RGS7: variants seen among roughly 807,000 people sequenced by gnomAD.
The protein encoded by RGS7 is regulator of G protein signaling 7.
RGS7 carries 27 observed loss-of-function variants against 81.1 expected under a neutral mutation model. That is an observed-to-expected ratio of 0.33 (90% CI 0.25 to 0.46). RGS7 has a LOEUF of 0.46. Among genes scored for constraint, RGS7 ranks in the 20% least tolerant of loss-of-function variants. The probability of loss-of-function intolerance (pLI) is 1.00; values close to 1 mark genes in which losing one functional copy is unlikely to be tolerated. For missense variants in RGS7, 396 were observed against 607.4 expected, an observed-to-expected ratio of 0.65 and a Z score of 3.66; for synonymous variants, 208 against 207.7, an observed-to-expected ratio of 1.00 and a Z score of -0.01.
intron 2 of RGS7, among the ~76,000 whole-genome samples, chr1:241,226,968 C>T (rs777188811): frequency 2.2e-4 from 33 of 152,030 alleles, no homozygotes; most frequent in Non-Finnish European, 4.3e-4. Flanking sequence ...GTTACTTATT[C>T]GGACCTTAAA....
chr1:241,054,971 A>G (rs1402475204), intron 3 of RGS7, among the ~76,000 whole-genome samples: 1 of 152,224 alleles, frequency 6.6e-6, no homozygotes, highest in Non-Finnish European at 1.5e-5. Flanking sequence ...GAAAGACCCC[A>G]GTCTAGTAAA....
intron 2 of RGS7, among the ~76,000 whole-genome samples, chr1:241,196,041 A>G (rs1028896547): frequency 1.3e-5 from 2 of 152,176 alleles, no homozygotes; most frequent in African/African-American, 4.8e-5. Flanking sequence ...AGCTAGATGC[A>G]TCATAGTTAA....
chr1:241,186,775 C>A (rs1184842065), intron 2 of RGS7, among the ~76,000 whole-genome samples: 2 of 152,134 alleles, frequency 1.3e-5, no homozygotes, highest in East Asian at 1.9e-4. Context: ...GATCCACCTA[C>A]CTCGGCCTCC....
chr1:241,259,045 T>C (rs897693578), intron 2 of RGS7, among the ~76,000 whole-genome samples: 1 of 152,126 alleles, frequency 6.6e-6, no homozygotes, highest in Non-Finnish European at 1.5e-5. Flanking sequence ...TGCCCCTCCC[T>C]TTCCCACAAT....
chr1:240,907,643 C>T (rs1671038653), intron 6 of RGS7, among the ~76,000 whole-genome samples: 1 of 152,130 alleles, frequency 6.6e-6, no homozygotes, highest in South Asian at 2.1e-4. Flanking sequence ...AGAATGTTTA[C>T]CACCTAGGGT....
At chr1:240,793,605 A>AT (rs869198789) in intron 18 of RGS7, among the ~76,000 whole-genome samples, 19 of 32,892 alleles carry the variant, frequency 5.8e-4, no homozygotes, top group Admixed American at 2.3e-3. Context: ...ATATATATAT[A>AT]TATATATTTT....
At chr1:241,277,568 G>A (rs1046537503) in intron 2 of RGS7, among the ~76,000 whole-genome samples, 11 of 150,222 alleles carry the variant, frequency 7.3e-5, no homozygotes, top group Non-Finnish European at 7.4e-5. Flanking sequence ...GCAGTCAGCC[G>A]AGATCACGCC....
At chr1:240,982,983 G>T (rs1685142946) in intron 4 of RGS7, 96 bp downstream of exon 4, 5 of 699,098 alleles carry the variant, frequency 7.2e-6, no homozygotes, top group South Asian at 3.3e-5. Flanking sequence ...TTTTCAGGAG[G>T]TTTGCTTGCG....
chr1:241,080,042 T>C (rs1430633916), intron 3 of RGS7, among the ~76,000 whole-genome samples: 1 of 152,156 alleles, frequency 6.6e-6, no homozygotes, highest in African/African-American at 2.4e-5. Flanking sequence ...TTTGCAATAT[T>C]GCCTCTGACT....
At chr1:241,278,735 C>T (rs1333629618) in intron 2 of RGS7, among the ~76,000 whole-genome samples, 1 of 152,196 alleles carries the variant, frequency 6.6e-6, no homozygotes, top group East Asian at 1.9e-4. Flanking sequence ...TGAAGATCTA[C>T]GTTCTGTTGG....
intron 3 of RGS7, among the ~76,000 whole-genome samples, chr1:241,088,340 C>CA (rs2063603966): frequency 6.6e-6 from 1 of 151,728 alleles, no homozygotes; most frequent in African/African-American, 2.4e-5. Context: ...AACACGCCAC[C>CA]AAAAAACATA....
intron 2 of RGS7, among the ~76,000 whole-genome samples, chr1:241,177,794 G>A (rs926442103): frequency 3.3e-5 from 5 of 152,166 alleles, no homozygotes; most frequent in Non-Finnish European, 7.4e-5. Flanking sequence ...GAAAGAGAGA[G>A]TGATTAAAGA....
At chr1:241,005,636 G>A (rs953342964) in intron 3 of RGS7, among the ~76,000 whole-genome samples, 7 of 152,174 alleles carry the variant, frequency 4.6e-5, no homozygotes, top group Admixed American at 2.6e-4. Flanking sequence ...CCAGGTTCAA[G>A]CAATTCTCCT....
intron 2 of RGS7, among the ~76,000 whole-genome samples, chr1:241,122,797 A>T (rs1326528137): frequency 6.6e-6 from 1 of 152,182 alleles, no homozygotes; most frequent in Non-Finnish European, 1.5e-5. Flanking sequence ...CCTATTTTAT[A>T]ATAAAGTGTT....
In RGS7 at chr1:240,775,805, T is replaced by C; in HGVS notation, c.*415A>G. On this transcript the variant is annotated 3_prime_UTR_variant, in exon 19 of 19. Coordinates refer to ENST00000440928, the MANE Select transcript of RGS7 (RefSeq NM_001364886.1). ...TGATATATACTTTTTTCTTTTACAG[T>C]TCTTCCAGTTTTTGACTGACTGAAT... 3.9e-6 allele frequency: 1 copy of C among 258,606 alleles called. No individual in the cohort carries two copies. Among genetic ancestry groups the C allele is most frequent in the South Asian group, 5.4e-5 (1 of 18,368 alleles). The allele number at this position is 258,606 out of a possible 1,614,324, so 16.0% of individuals were successfully genotyped here.
Position 240,842,832 on chromosome 1 carries a change from C to CT in RGS7, c.610-15661dup, listed in dbSNP as rs201749651. ...TTCTTAATGGCAGTTTTCTTTTTTTCTTTTTTCTTTTTCTCATAAGGGGTA... is the reference window on the plus strand; with the variant it reads ...TTCTTAATGGCAGTTTTCTTTTTTTCTTTTTTTCTTTTTCTCATAAGGGGTA... On this transcript the variant is annotated intron_variant, in intron 9 of 18. Transcript: ENST00000440928. Among the ~76,000 whole-genome samples the CT allele has an allele frequency of 6.8e-3, 964 of 142,642 alleles. 7 individuals are homozygous for CT. Among genetic ancestry groups the CT allele is most frequent in the African/African-American group, 0.023 (876 of 38,678 alleles). 93.6% of individuals were successfully genotyped at this position (142,642 alleles called of 152,430 possible). A position where few individuals can be genotyped will look rare whatever the true frequency, so the allele number is the denominator to read the frequency against.
chr1:241,243,532 A>G (rs1388012177), intron 2 of RGS7, among the ~76,000 whole-genome samples: 1 of 152,194 alleles, frequency 6.6e-6, no homozygotes, highest in Non-Finnish European at 1.5e-5. Flanking sequence ...CCAACAAGAC[A>G]AAAATTAATG....
chr1:240,977,181 A>G (rs1684252815), intron 4 of RGS7, among the ~76,000 whole-genome samples: 1 of 151,562 alleles, frequency 6.6e-6, no homozygotes, highest in Non-Finnish European at 1.5e-5. Context: ...GATGAGTACT[A>G]AATTTCAACA....
chr1:241,255,366 T>G (rs191427688), intron 2 of RGS7, among the ~76,000 whole-genome samples: 21 of 152,360 alleles, frequency 1.4e-4, no homozygotes, highest in Non-Finnish European at 2.5e-4. Flanking sequence ...CAACTCATCA[T>G]TGACAGGTGT....
Sources: gnomAD v4.1 joint callset for allele counts (sites outside exome capture counted in the v4.1 genomes callset) on GRCh38, gnomAD v4.1.1 for gene constraint, MANE v1.5 for transcripts, NCBI Gene and HGNC (gene_info 2026-07-23, HGNC 2026-07-21) for gene names.